ATP2B2: variants seen among roughly 807,000 people sequenced by gnomAD.
The protein encoded by ATP2B2 is plasma membrane calcium-transporting ATPase 2.
ATP2B2 carries 15 observed loss-of-function variants against 120.0 expected under a neutral mutation model. That is an observed-to-expected ratio of 0.12 (90% CI 0.08 to 0.19). ATP2B2 has a LOEUF of 0.19. Ranked by LOEUF, ATP2B2 falls within the 10% of genes least tolerant of loss-of-function variation. The pLI, the probability that ATP2B2 is intolerant of heterozygous loss-of-function variation, is 1.00. For missense variants in ATP2B2, 1,045 were observed against 1,719.8 expected, an observed-to-expected ratio of 0.61 and a Z score of 6.94; for synonymous variants, 694 against 700.3, an observed-to-expected ratio of 0.99 and a Z score of 0.14.
intron 1 of ATP2B2, among the ~76,000 whole-genome samples, chr3:10,460,387 A>G (rs2064437821): frequency 6.6e-6 from 1 of 152,188 alleles, no homozygotes; most frequent in Admixed American, 6.5e-5. Flanking sequence ...CAACATGTGA[A>G]GGAGCTGTCC....
intron 1 of ATP2B2, among the ~76,000 whole-genome samples, chr3:10,478,054 G>GT (rs1325723203): frequency 3.3e-5 from 5 of 152,158 alleles, no homozygotes; most frequent in Non-Finnish European, 7.4e-5. Context: ...CCTATTTTCT[G>GT]TTTTTTGGTG....
At chr3:10,701,105 G>C (rs932484218) in intron 1 of ATP2B2, among the ~76,000 whole-genome samples, 4 of 152,178 alleles carry the variant, frequency 2.6e-5, no homozygotes, top group Admixed American at 6.5e-5. Flanking sequence ...AAAAAGAAGA[G>C]AGAGAAGAGG....
intron 1 of ATP2B2, among the ~76,000 whole-genome samples, chr3:10,651,426 G>A (rs566375020): frequency 9.8e-5 from 15 of 152,300 alleles, no homozygotes; most frequent in African/African-American, 3.4e-4. Flanking sequence ...AAAAAGGGGA[G>A]GTTCCCTGCA....
chr3:10,684,904 C>A (rs1327383648), intron 1 of ATP2B2, among the ~76,000 whole-genome samples: 1 of 152,160 alleles, frequency 6.6e-6, no homozygotes, highest in Non-Finnish European at 1.5e-5. Flanking sequence ...TCGTTAAGTT[C>A]ATTATGGAAG....
intron 2 of ATP2B2, among the ~76,000 whole-genome samples, chr3:10,599,572 G>C (rs2068850240): frequency 6.6e-6 from 1 of 152,098 alleles, no homozygotes; most frequent in Non-Finnish European, 1.5e-5. Context: ...GCCCGCCACC[G>C]AATCTGACAG....
intron 14 of ATP2B2, among the ~76,000 whole-genome samples, chr3:10,352,278 G>C (rs2125417355): frequency 6.6e-6 from 1 of 152,336 alleles, no homozygotes; most frequent in Middle Eastern, 3.4e-3. Context: ...CCTGTGCAGA[G>C]GGCACTGCCT....
rs373144988 is a variant in ATP2B2 at position 10,359,893 on chromosome 3, G to T, written c.1890C>A (p.Ile630=). 2.7e-5 allele frequency: 43 copies of T among 1,614,116 alleles called. No homozygotes were observed. Among genetic ancestry groups the T allele is most frequent in the Non-Finnish European group, 3.5e-5 (41 of 1,180,062 alleles). ...FRMYSKGASE[I]VLKKCCKILN... Reference sequence around the variant, plus strand: ...TGCCCAGCGCTTACTTCTTGAGCACGATCTCAGAAGCCCCCTTGCTGTACA... The same window carrying T: ...TGCCCAGCGCTTACTTCTTGAGCACTATCTCAGAAGCCCCCTTGCTGTACA... The change falls in exon 13 of 23, where the codon ATC becomes ATA. Residue 630 remains isoleucine, a synonymous_variant. Coordinates refer to ENST00000360273, the MANE Select transcript of ATP2B2 (RefSeq NM_001001331.4).
intron 1 of ATP2B2, among the ~76,000 whole-genome samples, chr3:10,470,148 G>T (rs1490395719): frequency 6.6e-6 from 1 of 152,128 alleles, no homozygotes; most frequent in Non-Finnish European, 1.5e-5. Flanking sequence ...AGGAAGGCAG[G>T]GCTGTCTCTG....
intron 1 of ATP2B2, among the ~76,000 whole-genome samples, chr3:10,621,942 C>T (rs2069562884): frequency 6.6e-6 from 1 of 152,240 alleles, no homozygotes; most frequent in African/African-American, 2.4e-5. Context: ...CCCCATTAAG[C>T]TTTATCTGGA....
At chr3:10,403,024 T>A (rs988133062) in intron 3 of ATP2B2, among the ~76,000 whole-genome samples, 3 of 152,134 alleles carry the variant, frequency 2.0e-5, no homozygotes, top group African/African-American at 7.2e-5. Context: ...TCTGTTGGAG[T>A]CTCATTACAT....
chr3:10,369,147 A>T (rs2061154962), intron 12 of ATP2B2, among the ~76,000 whole-genome samples: 1 of 152,218 alleles, frequency 6.6e-6, no homozygotes, highest in South Asian at 2.1e-4. Context: ...AAGCTGGTGG[A>T]CATTGCATGC....
rs570603100 is a variant in ATP2B2 at position 10,450,192 on chromosome 3, T to C, written c.-319-330A>G. On this transcript the variant is annotated intron_variant, in intron 1 of 22. Coordinates refer to ENST00000360273, the MANE Select transcript of ATP2B2 (RefSeq NM_001001331.4). The stretch of plus-strand genomic sequence containing the variant: ...CCTTCTGGCATGTCCTTGTGTCCTG[T>C]GCCACTGCCACACACACGTCAACAC... 2.6e-5 allele frequency among the ~76,000 whole-genome samples: 4 copies of C among 152,202 alleles called. 1 individual carries two copies. The East Asian group carries it at 7.7e-4, about 29-fold the overall frequency.
chr3:10,559,533 G>GA (rs34129989), intron 2 of ATP2B2, among the ~76,000 whole-genome samples: 8,007 of 148,480 alleles, frequency 0.054, 399 homozygotes, highest in East Asian at 0.27. Context: ...AAAAGAAAAG[G>GA]AAAAAAAAAA....
chr3:10,609,784 C>T (rs932984957), intron 2 of ATP2B2, among the ~76,000 whole-genome samples: 6 of 152,140 alleles, frequency 3.9e-5, no homozygotes, highest in African/African-American at 1.4e-4. Context: ...ATGAGGTGGA[C>T]ATCACTGTCA....
At chr3:10,581,917 G>A (rs1287827281) in intron 2 of ATP2B2, among the ~76,000 whole-genome samples, 1 of 152,182 alleles carries the variant, frequency 6.6e-6, no homozygotes, top group African/African-American at 2.4e-5. Context: ...GGTAAACACA[G>A]AGCACAAATA....
intron 12 of ATP2B2, among the ~76,000 whole-genome samples, chr3:10,362,252 G>A (rs1181707993): frequency 6.6e-6 from 1 of 152,222 alleles, no homozygotes; most frequent in Non-Finnish European, 1.5e-5. Context: ...AGCCCAGACA[G>A]GAAGAAGGTG....
At chr3:10,535,400 T>G (rs753308653) in intron 2 of ATP2B2, among the ~76,000 whole-genome samples, 48 of 152,064 alleles carry the variant, frequency 3.2e-4, no homozygotes, top group Non-Finnish European at 5.6e-4. Flanking sequence ...TGTGTGTGTG[T>G]GTGTGTGTGT....
chr3:10,549,767 G>C (rs2067628531), intron 2 of ATP2B2, among the ~76,000 whole-genome samples: 1 of 152,074 alleles, frequency 6.6e-6, no homozygotes, highest in Non-Finnish European at 1.5e-5. Context: ...GGACAGAAAT[G>C]ACAAAGACTC....
chr3:10,583,862 C>T (rs903345833), intron 2 of ATP2B2, among the ~76,000 whole-genome samples: 4 of 152,160 alleles, frequency 2.6e-5, no homozygotes, highest in African/African-American at 4.8e-5. Flanking sequence ...GAGAGAGTTA[C>T]ATGGGACACT....
Sources: allele counts gnomAD v4.1 joint callset (sites outside exome capture counted in the v4.1 genomes callset), GRCh38; gene constraint gnomAD v4.1.1; transcripts MANE v1.5; gene names NCBI Gene and HGNC (gene_info 2026-07-23, HGNC 2026-07-21).